RMDN3: variants seen among roughly 807,000 people sequenced by gnomAD.
RMDN3 encodes the protein regulator of microtubule dynamics 3.
A neutral mutation model predicts 61.8 loss-of-function variants in RMDN3; 41 were observed. The ratio of observed to expected loss-of-function variants is 0.66; its 90% CI spans 0.52 to 0.86. RMDN3 has a LOEUF of 0.86. Ranked by LOEUF, RMDN3 falls within the 40% of genes least tolerant of loss-of-function variation. The probability of loss-of-function intolerance (pLI) is 0.00; values close to 1 mark genes in which losing one functional copy is unlikely to be tolerated. For missense variants in RMDN3, 557 were observed against 585.3 expected, an observed-to-expected ratio of 0.95 and a Z score of 0.50; for synonymous variants, 247 against 232.0, an observed-to-expected ratio of 1.06 and a Z score of -0.59.
At chr15:40,739,852 T>C (rs1173332492) in intron 7 of RMDN3, among the ~76,000 whole-genome samples, 1 of 152,140 alleles carries the variant, frequency 6.6e-6, no homozygotes, top group Non-Finnish European at 1.5e-5. Flanking sequence ...AACTCCAGTT[T>C]TGTAGCTAGG....
chr15:40,744,953 G>T (rs773181563), intron 5 of RMDN3, 24 bp downstream of exon 5: 2 of 1,567,214 alleles, frequency 1.3e-6, no homozygotes, highest in Admixed American at 1.8e-5. Context: ...GGAAGGAGAA[G>T]GAGACAGGCA....
rs373421923 is a variant in RMDN3, at chr15:40,754,722, G to A, written c.62C>T (p.Ala21Val). Residue 21 changes from alanine (A) to valine (V), a missense_variant, in exon 2 of 13, where the codon GCC (alanine) becomes GTC (valine). Transcript: ENST00000338376. ...GAGGCACAGGAATCCAAGGCCGGCGGCGGTACCCAGCAACAGTCCCAGCCC... is the reference window on the plus strand; with the variant it reads ...GAGGCACAGGAATCCAAGGCCGGCGACGGTACCCAGCAACAGTCCCAGCCC... ...RAGLGLLLGT[A>V]AGLGFLCLLY... The A allele has an allele frequency of 5.0e-6, 8 of 1,613,566 alleles. No individual in the cohort carries two copies. The highest frequency in any genetic ancestry group is 6.8e-6 in the Non-Finnish European group (8 of 1,179,922).
Position 40,752,145 on chromosome 15 carries a change from C to A in RMDN3, c.221G>T (p.Gly74Val). ...AAGGCTGGGCAGCACTGAGGCATCT[C>A]CAGCCCCACCTGGGACAGCCCGCAG... ...MLLRAVPGGA[G>V]DASVLPSLPR... Residue 74 changes from glycine to valine, a missense_variant, in exon 3 of 13, where the codon GGA (glycine) becomes GTA (valine). By Grantham distance (109) the Gly-to-Val change is moderately radical (BLOSUM62 -3). Coordinates refer to ENST00000338376, the MANE Select transcript of RMDN3 (RefSeq NM_018145.3). The A allele has an allele frequency of 1.9e-6, 3 of 1,614,156 alleles. No homozygotes were observed. The highest frequency in any genetic ancestry group is 2.5e-6 in the Non-Finnish European group (3 of 1,180,020).
At position 40,738,525 on chromosome 15, in the gene RMDN3, G is replaced by T; in HGVS notation, c.1023C>A (p.Arg341=). Residue 341 remains arginine (R), a synonymous_variant, in exon 8 of 13, where the codon CGC becomes CGA. Transcript: ENST00000338376. ...CCTTGAAGCTAAAGCCACTCTGGAT[G>T]CGCCTCTGGATGCTCTCATGCTCAG... ...QLAEHESIQR[R]IQSGFSFKEH... The T allele has an allele frequency of 6.2e-7, 1 of 1,614,154 alleles. No individual in the cohort carries two copies. The highest frequency in any genetic ancestry group is 8.5e-7 in the Non-Finnish European group (1 of 1,180,030).
rs567501600 is a variant in RMDN3, at chr15:40,738,908, A to G, written c.972-332T>C. The G allele has an allele frequency of 1.1e-4, 31 of 288,546 alleles. No individual in the cohort carries two copies. In the South Asian group the frequency reaches 1.9e-3, roughly 17 times the overall value. 17.9% of individuals were successfully genotyped at this position (288,546 alleles called of 1,614,324 possible). A position where few individuals can be genotyped will look rare whatever the true frequency, so the allele number is the denominator to read the frequency against. On this transcript the variant is annotated intron_variant, in intron 7 of 12. Transcript: ENST00000338376. ...CACAGGCATTAATAAAAACTTGAAAAGCATGAAAACAATCAGCATAAAAGT... is the reference window on the plus strand; with the variant it reads ...CACAGGCATTAATAAAAACTTGAAAGGCATGAAAACAATCAGCATAAAAGT...
At position 40,737,170 on chromosome 15, in the gene RMDN3, C is replaced by G. The variant is rs1897087727; in HGVS notation, c.1313G>C (p.Arg438Thr). Residue 438 changes from arginine to threonine, a missense_variant, in exon 12 of 13, where the codon AGA becomes ACA. By Grantham distance (71) the Arg-to-Thr change is moderately conservative. Transcript: ENST00000338376. ...YRELGKNSEA[R>T]WWMKLALELP... ...CTCCAGGGCCAACTTCATCCACCAT[C>G]TAGCTTCAGAGTTTTTCCCTAGTTC... is the stretch of plus-strand genomic sequence containing the variant. 1 of 1,614,100 alleles carries G rather than the reference C, an allele frequency of 6.2e-7. No homozygotes were observed. The highest frequency in any genetic ancestry group is 1.1e-5 in the South Asian group (1 of 91,086).
intron 11 of RMDN3, 25 bp from the exon 12 acceptor site, chr15:40,737,229 T>TGATACTGTGTACTTTC: frequency 6.2e-7 from 1 of 1,612,482 alleles, no homozygotes; most frequent in East Asian, 2.2e-5. Context: ...CAGTGAAACC[T>TGATACTGTGTACTTTC]GATACTGTGT....
Position 40,751,534 on chromosome 15 carries a change from C to T in RMDN3, c.416G>A (p.Arg139Gln), listed in dbSNP as rs370775435. Reference protein sequence around the residue: ...HMEENQRVARRRRFPFVRERS... With the variant: ...HMEENQRVARQRRFPFVRERS... ...CTCCCGGACAAACGGAAACCTTCGCCGCCGAGCCACTCTCTGGTTCTCTTC... is the reference window on the plus strand; with the variant it reads ...CTCCCGGACAAACGGAAACCTTCGCTGCCGAGCCACTCTCTGGTTCTCTTC... Residue 139 changes from arginine (R) to glutamine (Q), a missense_variant, in exon 4 of 13, where the codon CGG (arginine) becomes CAG (glutamine). Arg to Gln is a conservative substitution (Grantham distance 43, BLOSUM62 1). Transcript: ENST00000338376. The T allele has an allele frequency of 6.2e-6, 10 of 1,614,016 alleles. No homozygotes were observed. The highest frequency in any genetic ancestry group is 1.3e-5 in the African/African-American group (1 of 74,930).
chr15:40,738,067 C>G, intron 8 of RMDN3, 25 bp from the exon 9 acceptor site: 1 of 1,611,348 alleles, frequency 6.2e-7, no homozygotes, highest in Middle Eastern at 1.7e-4. Flanking sequence ...TAAATATAAA[C>G]TAACATCAGA....
chr15:40,749,991 T>G (rs1485998098), intron 4 of RMDN3, among the ~76,000 whole-genome samples: 1 of 152,172 alleles, frequency 6.6e-6, no homozygotes, highest in Non-Finnish European at 1.5e-5. Flanking sequence ...GACATTTCAG[T>G]CAACCACGGA....
intron 10 of RMDN3, 95 bp from the exon 11 acceptor site, chr15:40,737,436 G>T: frequency 7.7e-7 from 1 of 1,290,606 alleles, no homozygotes; most frequent in Non-Finnish European, 1.1e-6. Flanking sequence ...CAACCATGTG[G>T]CTGATTCAGT....
intron 2 of RMDN3, among the ~76,000 whole-genome samples, chr15:40,753,670 A>G (rs1897920298): frequency 6.6e-6 from 1 of 152,246 alleles, no homozygotes; most frequent in Admixed American, 6.5e-5. Flanking sequence ...TGCCAGCCAC[A>G]TTCAGCTTCA....
chr15:40,751,743 CACAG>C lies in RMDN3; in HGVS notation c.381-178_381-175del, dbSNP rs896270279. The C allele has an allele frequency of 1.3e-4, 130 of 970,470 alleles. No individual in the cohort carries two copies. In the African/African-American group the frequency reaches 1.9e-3, roughly 14 times the overall value. 60.1% of individuals were successfully genotyped at this position (970,470 alleles called of 1,614,324 possible). ...AGGGCAGCTTCCTGGGCCCAGCCCG[CACAG>C]ACAGACTAGGTTAGGCAAACAGAGC... On this transcript the variant is annotated intron_variant, in intron 3 of 12. Transcript: ENST00000338376.
chr15:40,744,944 G>A (rs2141913205), intron 5 of RMDN3, 33 bp downstream of exon 5: 3 of 1,551,708 alleles, frequency 1.9e-6, no homozygotes, highest in South Asian at 2.4e-5. Context: ...GGGAGGGAGG[G>A]AAGGAGAAGG....
rs564033280 is a variant in RMDN3, at chr15:40,736,895, C to T, written c.1359+229G>A. Among the ~76,000 whole-genome samples, 8 of 152,146 alleles carry T rather than the reference C, an allele frequency of 5.3e-5. 1 individual carries two copies. The highest frequency in any genetic ancestry group is 2.1e-4 in the South Asian group (1 of 4,824). On this transcript the variant is annotated intron_variant, in intron 12 of 12. Coordinates refer to ENST00000338376, the MANE Select transcript of RMDN3 (RefSeq NM_018145.3). Reference sequence around the variant, plus strand: ...TGAGATGGAGTTTTGCTCTTGTTGCCGAGGCTGGAGTGCAATGGCACGATC... The same window carrying T: ...TGAGATGGAGTTTTGCTCTTGTTGCTGAGGCTGGAGTGCAATGGCACGATC...
At chr15:40,746,276 G>A (rs1018503040) in intron 4 of RMDN3, among the ~76,000 whole-genome samples, 9 of 152,182 alleles carry the variant, frequency 5.9e-5, no homozygotes, top group Admixed American at 3.9e-4. Context: ...AGCACTTTGG[G>A]AGGCCGAGGC....
At chr15:40,739,214 C>T (rs529655709) in intron 7 of RMDN3, 4 of 152,718 alleles carry the variant, frequency 2.6e-5, no homozygotes, top group Middle Eastern at 3.4e-3. Flanking sequence ...CTTACTTCCC[C>T]ATCCCCCCAG....
chr15:40,748,940 A>G (rs1193254676), intron 4 of RMDN3, among the ~76,000 whole-genome samples: 75 of 137,830 alleles, frequency 5.4e-4, no homozygotes, highest in African/African-American at 2.0e-3. Flanking sequence ...GTACTGCTCT[A>G]TCACCGAGGC....
intron 10 of RMDN3, 63 bp downstream of exon 10, chr15:40,737,565 A>C (rs1204363314): frequency 6.9e-6 from 10 of 1,453,980 alleles, no homozygotes; most frequent in Middle Eastern, 1.7e-4. Flanking sequence ...GGGTCTCAAT[A>C]ATGTCCTTAG....
Sources: allele counts gnomAD v4.1 joint callset (sites outside exome capture counted in the v4.1 genomes callset), GRCh38; gene constraint gnomAD v4.1.1; transcripts MANE v1.5; gene names NCBI Gene and HGNC (gene_info 2026-07-23, HGNC 2026-07-21).